The following LHFPL3 variants were observed in gnomAD, a reference collection of about 807,000 sequenced individuals.
LHFPL3 encodes the protein LHFPL tetraspan subfamily member 3 protein.
In LHFPL3, 5 loss-of-function variants were observed where a neutral mutation model predicts 19.3. That is an observed-to-expected ratio of 0.26 (90% CI 0.14 to 0.54). The LOEUF is 0.54. Ranked by LOEUF, LHFPL3 falls within the 20% of genes least tolerant of loss-of-function variation. The pLI is 0.94. For synonymous variants in LHFPL3, 133 were observed against 126.2 expected (o/e 1.05, Z -0.36); for missense variants, 249 against 307.4 (o/e 0.81, Z 1.42).
At chr7:104,607,309 C>A in intron 1 of LHFPL3, among the ~76,000 whole-genome samples, 1 of 152,292 alleles carries the variant, frequency 6.6e-6, no homozygotes, top group Non-Finnish European at 1.5e-5. Context: ...GATTTTTTCT[C>A]ACTGTCATAA....
At chr7:104,644,050 T>C (rs928913284) in intron 1 of LHFPL3, among the ~76,000 whole-genome samples, 3 of 152,106 alleles carry the variant, frequency 2.0e-5, no homozygotes, top group African/African-American at 7.2e-5. Flanking sequence ...TAGCCATTGA[T>C]AAAAAAAACT....
At chr7:104,385,725 A>G (rs555852552) in intron 1 of LHFPL3, among the ~76,000 whole-genome samples, 1 of 152,340 alleles carries the variant, frequency 6.6e-6, no homozygotes, top group Admixed American at 6.5e-5. Flanking sequence ...GAATGAACTA[A>G]GGTAACTGCA....
intron 1 of LHFPL3, among the ~76,000 whole-genome samples, chr7:104,428,473 A>C (rs1292068641): frequency 2.0e-5 from 3 of 152,088 alleles, no homozygotes; most frequent in African/African-American, 7.3e-5. Context: ...TCCTCCCTCC[A>C]ATATATAACT....
rs112821831 is a variant in LHFPL3 at position 104,712,988 on chromosome 7, T to C, written c.446-23687T>C. Among the ~76,000 whole-genome samples, 147 of 152,278 alleles carry C rather than the reference T, an allele frequency of 9.7e-4. 2 individuals carry two copies. The highest frequency in any genetic ancestry group is 3.5e-3 in the African/African-American group (144 of 41,562). On this transcript the variant is annotated intron_variant, in intron 1 of 2. Coordinates refer to ENST00000424859, the MANE Select transcript of LHFPL3 (RefSeq NM_199000.3). Reference sequence around the variant, plus strand: ...GCTTGAAGAGGCAGAGTGGGCAGTATTGGGCATGGGAAATGTATGTTCCTC... The same window carrying C: ...GCTTGAAGAGGCAGAGTGGGCAGTACTGGGCATGGGAAATGTATGTTCCTC...
intron 1 of LHFPL3, among the ~76,000 whole-genome samples, chr7:104,430,400 A>T (rs867271868): frequency 2.5e-5 from 1 of 39,260 alleles, no homozygotes; most frequent in East Asian, 5.5e-4. Flanking sequence ...ATATATATAT[A>T]TATACATATA....
intron 2 of LHFPL3, among the ~76,000 whole-genome samples, chr7:104,842,136 C>T (rs1791222771): frequency 1.3e-5 from 2 of 151,060 alleles, no homozygotes; most frequent in African/African-American, 2.4e-5. Context: ...CCCAACATAA[C>T]CAGCATGTCT....
intron 1 of LHFPL3, among the ~76,000 whole-genome samples, chr7:104,413,935 A>G (rs905512262): frequency 1.3e-5 from 2 of 152,168 alleles, no homozygotes; most frequent in African/African-American, 2.4e-5. Flanking sequence ...TGGCCAGATT[A>G]ATTTATTTTC....
intron 1 of LHFPL3, among the ~76,000 whole-genome samples, chr7:104,512,239 GC>G (rs1793831381): frequency 1.3e-5 from 2 of 152,014 alleles, no homozygotes; most frequent in African/African-American, 4.8e-5. Context: ...ACAGGCATGA[GC>G]CACAGCATCT....
intron 2 of LHFPL3, among the ~76,000 whole-genome samples, chr7:104,883,789 C>T (rs977948148): frequency 3.3e-5 from 5 of 152,300 alleles, no homozygotes; most frequent in Admixed American, 6.5e-5. Context: ...TGCTGGGGAG[C>T]TAGGACTCAG....
chr7:104,336,954 A>G (rs1022968964), intron 1 of LHFPL3, among the ~76,000 whole-genome samples: 1 of 152,160 alleles, frequency 6.6e-6, no homozygotes, highest in African/African-American at 2.4e-5. Context: ...CCTGTTAGAG[A>G]ACAATGGCAG....
intron 1 of LHFPL3, among the ~76,000 whole-genome samples, chr7:104,411,283 T>C (rs1236133250): frequency 6.6e-6 from 1 of 152,150 alleles, no homozygotes; most frequent in African/African-American, 2.4e-5. Context: ...TGAAATGAGG[T>C]GACAGATAAC....
chr7:104,834,550 A>T (rs1791054546), intron 2 of LHFPL3, among the ~76,000 whole-genome samples: 1 of 152,002 alleles, frequency 6.6e-6, no homozygotes, highest in African/African-American at 2.4e-5. Context: ...AGAAGAGACC[A>T]AGATGGCAAG....
intron 1 of LHFPL3, among the ~76,000 whole-genome samples, chr7:104,507,487 C>A (rs1490392950): frequency 8.0e-6 from 1 of 125,686 alleles, no homozygotes; most frequent in African/African-American, 3.0e-5. Context: ...AAACGTTAGA[C>A]CTAAAACCAT....
intron 1 of LHFPL3, among the ~76,000 whole-genome samples, chr7:104,357,147 C>A (rs1267121249): frequency 1.3e-5 from 2 of 152,146 alleles, no homozygotes; most frequent in Non-Finnish European, 2.9e-5. Flanking sequence ...AGGGAAGTCC[C>A]AAGTGATGTT....
At chr7:104,591,445 A>C (rs991706614) in intron 1 of LHFPL3, among the ~76,000 whole-genome samples, 2 of 152,196 alleles carry the variant, frequency 1.3e-5, no homozygotes, top group African/African-American at 2.4e-5. Flanking sequence ...TATTGGCTCC[A>C]ACTTTCTTCT....
chr7:104,622,024 A>G (rs1439474939), intron 1 of LHFPL3, among the ~76,000 whole-genome samples: 1 of 152,224 alleles, frequency 6.6e-6, no homozygotes, highest in East Asian at 1.9e-4. Flanking sequence ...TCTACTTAAT[A>G]TGCATAAACA....
At chr7:104,818,817 TA>T (rs1199776141) in intron 2 of LHFPL3, among the ~76,000 whole-genome samples, 1 of 151,808 alleles carries the variant, frequency 6.6e-6, no homozygotes, top group Non-Finnish European at 1.5e-5. Context: ...ACTCAAATGC[TA>T]AAATTAAAAA....
chr7:104,600,137 C>G (rs1345763753), intron 1 of LHFPL3, among the ~76,000 whole-genome samples: 1 of 152,188 alleles, frequency 6.6e-6, no homozygotes, highest in South Asian at 2.1e-4. Context: ...GAACTATAAC[C>G]TGGGGTACCC....
chr7:104,709,214 A>C (rs1793247452), intron 1 of LHFPL3, among the ~76,000 whole-genome samples: 1 of 148,282 alleles, frequency 6.7e-6, no homozygotes, highest in African/African-American at 2.5e-5. Context: ...TTTCATTTTT[A>C]TTTTTTTATT....
Sources: allele counts gnomAD v4.1 joint callset (sites outside exome capture counted in the v4.1 genomes callset), GRCh38; gene constraint gnomAD v4.1.1; transcripts MANE v1.5; gene names NCBI Gene and HGNC (gene_info 2026-07-23, HGNC 2026-07-21).